STXBP5L: variants seen among roughly 807,000 people sequenced by gnomAD.
STXBP5L encodes the protein syntaxin-binding protein 5-like.
Under a neutral mutation model 144.5 loss-of-function variants are expected in STXBP5L, and 65 were observed. The ratio of observed to expected loss-of-function variants is 0.45; its 90% confidence interval spans 0.37 to 0.55. STXBP5L has a LOEUF of 0.55. Ranked by LOEUF, STXBP5L falls within the 20% of genes least tolerant of loss-of-function variation. The probability of loss-of-function intolerance (pLI) is 0.00; values close to 1 mark genes in which losing one functional copy is unlikely to be tolerated. For missense variants in STXBP5L, 1,298 were observed against 1,405.5 expected, an observed-to-expected ratio of 0.92 and a Z score of 1.22; for synonymous variants, 505 against 469.6, an observed-to-expected ratio of 1.08 and a Z score of -0.97.
chr3:121,350,799 T>G (rs888731597), intron 20 of STXBP5L, among the ~76,000 whole-genome samples: 1 of 152,166 alleles, frequency 6.6e-6, no homozygotes, highest in African/African-American at 2.4e-5. Context: ...ATGCCATGGT[T>G]TTCAGCTCCA....
intron 3 of STXBP5L, among the ~76,000 whole-genome samples, chr3:121,006,918 A>G (rs1944363629): frequency 6.6e-6 from 1 of 152,038 alleles, no homozygotes; most frequent in South Asian, 2.1e-4. Flanking sequence ...CTGAGAGATC[A>G]CCTGTTAGTC....
intron 22 of STXBP5L, among the ~76,000 whole-genome samples, chr3:121,396,816 A>T (rs1230858388): frequency 6.6e-6 from 1 of 152,254 alleles, no homozygotes; most frequent in African/African-American, 2.4e-5. Flanking sequence ...GAGGTATATG[A>T]GCCCTAATGT....
At chr3:121,385,221 G>A (rs550310173) in intron 22 of STXBP5L, among the ~76,000 whole-genome samples, 1 of 152,136 alleles carries the variant, frequency 6.6e-6, no homozygotes, top group East Asian at 1.9e-4. Context: ...TCTTCAGGCT[G>A]TACAGGAATC....
intron 9 of STXBP5L, among the ~76,000 whole-genome samples, chr3:121,176,318 G>C (rs1021499902): frequency 2.6e-5 from 4 of 151,506 alleles, no homozygotes; most frequent in African/African-American, 9.7e-5. Flanking sequence ...CAGTAAGCAA[G>C]GCTTACTTAA....
At chr3:120,955,873 A>G (rs910419947) in intron 3 of STXBP5L, among the ~76,000 whole-genome samples, 13 of 152,078 alleles carry the variant, frequency 8.5e-5, no homozygotes, top group Admixed American at 2.0e-4. Flanking sequence ...AAAATGTTAT[A>G]TAAATGGAAT....
At chr3:121,071,276 G>A (rs1458317606) in intron 5 of STXBP5L, among the ~76,000 whole-genome samples, 2 of 152,156 alleles carry the variant, frequency 1.3e-5, no homozygotes, top group Non-Finnish European at 2.9e-5. Flanking sequence ...ATATAACTAT[G>A]TTTGTACATT....
chr3:121,155,394 A>G (rs577664870), intron 8 of STXBP5L, among the ~76,000 whole-genome samples: 3 of 151,922 alleles, frequency 2.0e-5, no homozygotes, highest in South Asian at 2.1e-4. Flanking sequence ...AGCCCCTGTA[A>G]AACTATTTAG....
chr3:121,251,253 T>C (rs1339184662), intron 15 of STXBP5L, among the ~76,000 whole-genome samples: 2 of 152,212 alleles, frequency 1.3e-5, no homozygotes, highest in Non-Finnish European at 2.9e-5. Flanking sequence ...CTGCTCAATG[T>C]TGAAGGAATG....
At chr3:121,052,479 A>T (rs1227403656) in intron 5 of STXBP5L, among the ~76,000 whole-genome samples, 1 of 152,200 alleles carries the variant, frequency 6.6e-6, no homozygotes, top group Non-Finnish European at 1.5e-5. Flanking sequence ...ATATAAACAG[A>T]ACCAAAGGCA....
chr3:121,245,916 A>G (rs1165620013), intron 14 of STXBP5L, among the ~76,000 whole-genome samples: 1 of 152,188 alleles, frequency 6.6e-6, no homozygotes, highest in African/African-American at 2.4e-5. Context: ...AGGGTATTTG[A>G]AAAACACTAT....
intron 19 of STXBP5L, among the ~76,000 whole-genome samples, chr3:121,290,462 A>AT (rs1358831437): frequency 2.0e-5 from 3 of 152,184 alleles, no homozygotes; most frequent in Admixed American, 1.3e-4. Flanking sequence ...TCACAGCTGA[A>AT]TTCTATCAGA....
intron 2 of STXBP5L, among the ~76,000 whole-genome samples, chr3:120,926,356 C>CTT (rs35029446): frequency 0.23 from 32,482 of 139,606 alleles, 4,122 homozygotes; most frequent in Admixed American, 0.31. Context: ...GATGGCAGTT[C>CTT]TTTTTTTTTT....
intron 18 of STXBP5L, among the ~76,000 whole-genome samples, chr3:121,263,668 A>G (rs1013587486): frequency 6.6e-6 from 1 of 152,106 alleles, no homozygotes; most frequent in Non-Finnish European, 1.5e-5. Context: ...TGAAGCATAC[A>G]CAAGTATAAA....
intron 18 of STXBP5L, among the ~76,000 whole-genome samples, chr3:121,263,964 T>C (rs975805784): frequency 2.0e-5 from 3 of 151,892 alleles, no homozygotes; most frequent in Non-Finnish European, 4.4e-5. Flanking sequence ...ACAGAGAATA[T>C]CACAAAGATA....
intron 14 of STXBP5L, among the ~76,000 whole-genome samples, chr3:121,244,281 A>G (rs2049768030): frequency 6.6e-6 from 1 of 152,018 alleles, no homozygotes; most frequent in East Asian, 1.9e-4. Flanking sequence ...AAAATTCATT[A>G]CAGAGTGTCA....
At chr3:121,147,819 T>G (rs1425127063) in intron 7 of STXBP5L, among the ~76,000 whole-genome samples, 1 of 152,184 alleles carries the variant, frequency 6.6e-6, no homozygotes, top group African/African-American at 2.4e-5. Flanking sequence ...TAACCCTTTT[T>G]CAAGTAAGAG....
At chr3:121,107,087 C>T (rs1025865836) in intron 5 of STXBP5L, among the ~76,000 whole-genome samples, 1 of 150,572 alleles carries the variant, frequency 6.6e-6, no homozygotes, top group African/African-American at 2.4e-5. Flanking sequence ...TTAATGGATT[C>T]TTTGTTTTTT....
chr3:121,040,121 C>A (rs1308740870), intron 3 of STXBP5L, among the ~76,000 whole-genome samples: 1 of 151,922 alleles, frequency 6.6e-6, no homozygotes, highest in Admixed American at 6.6e-5. Context: ...ATTGATATTT[C>A]TCCTTGTTAC....
At chr3:121,050,553 C>T (rs889538883) in intron 5 of STXBP5L, among the ~76,000 whole-genome samples, 2 of 152,076 alleles carry the variant, frequency 1.3e-5, no homozygotes, top group Admixed American at 1.3e-4. Flanking sequence ...TTGTCACCAC[C>T]AGGCCTGCCC....
Sources: gnomAD v4.1 joint callset for allele counts (sites outside exome capture counted in the v4.1 genomes callset) on GRCh38, gnomAD v4.1.1 for gene constraint, MANE v1.5 for transcripts, NCBI Gene and HGNC (gene_info 2026-07-23, HGNC 2026-07-21) for gene names.